The following MRC1 variants were observed in gnomAD, a reference collection of about 807,000 sequenced individuals.
MRC1 encodes the protein macrophage mannose receptor 1.
In MRC1, 62 loss-of-function variants were observed where a neutral mutation model predicts 102.9. The observed-to-expected ratio is 0.60, with a 90% CI of 0.49 to 0.74. MRC1 has a LOEUF of 0.74. Among genes scored for constraint, MRC1 ranks in the 30% least tolerant of loss-of-function variants. The pLI is 0.00. For missense variants in MRC1, 1,237 were observed against 862.8 expected (o/e 1.43, Z -5.43); for synonymous variants, 457 against 298.4 (o/e 1.53, Z -5.48).
chr10:17,858,779 C>A (rs1833136460), intron 9 of MRC1, among the ~76,000 whole-genome samples: 1 of 152,044 alleles, frequency 6.6e-6, no homozygotes, highest in South Asian at 2.1e-4. Flanking sequence ...AGCCATTGTG[C>A]CAGGCATGAG....
chr10:17,812,370 G>A (rs1404097386), intron 1 of MRC1, among the ~76,000 whole-genome samples: 11 of 152,174 alleles, frequency 7.2e-5, no homozygotes, highest in Admixed American at 7.2e-4. Context: ...GGAAATGGGA[G>A]GGTTTGGCTC....
At chr10:17,841,336 A>G (rs1838746049) in intron 5 of MRC1, among the ~76,000 whole-genome samples, 2 of 152,224 alleles carry the variant, frequency 1.3e-5, no homozygotes, top group South Asian at 4.1e-4. Context: ...CAGTGATTTT[A>G]ACATCTACAT....
chr10:17,859,720 T>A (rs992415706), intron 9 of MRC1, among the ~76,000 whole-genome samples: 1 of 152,164 alleles, frequency 6.6e-6, no homozygotes, highest in Non-Finnish European at 1.5e-5. Context: ...ATTTCTGATG[T>A]GTGGTTTTGC....
intron 5 of MRC1, among the ~76,000 whole-genome samples, chr10:17,843,719 G>A (rs895079604): frequency 6.6e-6 from 1 of 151,958 alleles, no homozygotes; most frequent in African/African-American, 2.4e-5. Context: ...TTTTCTTTGT[G>A]TGGTAGTTAA....
chr10:17,826,622 A>T (rs1227961530), intron 2 of MRC1, among the ~76,000 whole-genome samples: 2 of 152,222 alleles, frequency 1.3e-5, no homozygotes, highest in African/African-American at 2.4e-5. Context: ...ACAAAGATGG[A>T]GACTTTAAAC....
In MRC1 at chr10:17,866,615, G is replaced by A; in HGVS notation, c.1837G>A (p.Asp613Asn). The A allele has an allele frequency of 1.3e-6, 1 of 780,848 alleles. No homozygotes were observed. 48.4% of individuals were successfully genotyped at this position (780,848 alleles called of 1,614,324 possible). ...AACCGGGATTGCAGGGGGCTTATGG[G>A]ATGTTTTGAAATGTGATGAAAAGGC... ...MRTGIAGGLW[D>N]VLKCDEKAKF... The change falls in exon 12 of 30, where the codon GAT becomes AAT. Residue 613 changes from aspartate to asparagine, a missense_variant. By Grantham distance (23) the Asp-to-Asn change is conservative (BLOSUM62 1). Transcript: ENST00000569591.
chr10:17,842,630 G>T (rs1187476241), intron 5 of MRC1, among the ~76,000 whole-genome samples: 1 of 152,250 alleles, frequency 6.6e-6, no homozygotes, highest in African/African-American at 2.4e-5. Context: ...ATACTAGTTG[G>T]CCTCAATCAG....
intron 4 of MRC1, among the ~76,000 whole-genome samples, chr10:17,834,997 C>G (rs1838641609): frequency 6.6e-6 from 1 of 152,158 alleles, no homozygotes; most frequent in East Asian, 1.9e-4. Context: ...CATTTCCCAT[C>G]AAATAATTAA....
Position 17,856,316 on chromosome 10 carries a change from T to A in MRC1, c.1482T>A (p.Gly494=). 1 of 860,400 alleles carries A rather than the reference T, an allele frequency of 1.2e-6. No individual in the cohort carries two copies. Among genetic ancestry groups the A allele is most frequent in the Non-Finnish European group, 2.0e-6 (1 of 495,974 alleles). The allele number at this position is 860,400 out of a possible 1,614,324, so 53.3% of individuals were successfully genotyped here. ...YICKMKSRSQ[G]PEIVEVEKGC... ...GCAAGATGAAATCACGAAGCCAAGG[T>A]CCAGAAATAGTGGAAGTCGAAAAAG... is the stretch of plus-strand genomic sequence containing the variant. The change falls in exon 9 of 30, where the codon GGT becomes GGA. Residue 494 remains glycine (G), a synonymous_variant. Transcript: ENST00000569591.
chr10:17,827,794 G>C, intron 3 of MRC1, 79 bp downstream of exon 3: 1 of 768,364 alleles, frequency 1.3e-6, no homozygotes. Context: ...TTTATCTAGA[G>C]CATTTTTCCC....
chr10:17,822,246 CA>C (rs1838406913), intron 1 of MRC1, among the ~76,000 whole-genome samples: 1 of 152,180 alleles, frequency 6.6e-6, no homozygotes, highest in South Asian at 2.1e-4. Flanking sequence ...ATAAAACTTA[CA>C]TTGATTTTTC....
At chr10:17,870,206 A>G (rs1833335186) in intron 12 of MRC1, 40 bp from the exon 13 acceptor site, 1 of 764,690 alleles carries the variant, frequency 1.3e-6, no homozygotes, top group African/African-American at 1.7e-5. Context: ...TTGATAAACT[A>G]CAAAGCATAA....
chr10:17,842,703 T>G (rs1338625771), intron 5 of MRC1, among the ~76,000 whole-genome samples: 2 of 152,232 alleles, frequency 1.3e-5, no homozygotes, highest in African/African-American at 4.8e-5. Context: ...TGCTAAATTT[T>G]TATACATATT....
chr10:17,855,984 C>A (rs1193471901), intron 8 of MRC1, among the ~76,000 whole-genome samples: 1 of 151,994 alleles, frequency 6.6e-6, no homozygotes. Flanking sequence ...GCCTGGCCAA[C>A]ATGGTGAAAC....
At chr10:17,845,019 A>G (rs559605393) in intron 5 of MRC1, 5 of 695,390 alleles carry the variant, frequency 7.2e-6, no homozygotes, top group Non-Finnish European at 5.5e-6. Flanking sequence ...TAGCTTTATT[A>G]GCTGATAATG....
intron 22 of MRC1, among the ~76,000 whole-genome samples, chr10:17,890,760 A>T (rs1374515366): frequency 6.6e-6 from 1 of 152,214 alleles, no homozygotes; most frequent in East Asian, 1.9e-4. Flanking sequence ...ATTACAGTGC[A>T]GGGGTCTGCA....
Position 17,902,020 on chromosome 10 carries a change from T to G in MRC1, c.3697T>G (p.Ser1233Ala). 1.3e-6 allele frequency: 1 copy of G among 780,756 alleles called. No individual in the cohort carries two copies. The highest frequency in any genetic ancestry group is 2.4e-6 in the Non-Finnish European group (1 of 417,950). The allele number at this position is 780,756 out of a possible 1,614,324, so 48.4% of individuals were successfully genotyped here. The stretch of plus-strand genomic sequence containing the variant: ...ACAACTGCCTGGCAGATGCCCGGAG[T>G]CAGATCACACAGCATGGATTCCTTT... ...PPQLPGRCPE[S>A]DHTAWIPFHG... Residue 1233 changes from serine (S) to alanine (A), a missense_variant, in exon 26 of 30, where the codon TCA becomes GCA. Ser to Ala is a moderately conservative substitution (Grantham distance 99, BLOSUM62 1). Transcript: ENST00000569591.
intron 1 of MRC1, among the ~76,000 whole-genome samples, chr10:17,821,674 T>A (rs1554838289): frequency 6.6e-6 from 1 of 152,138 alleles, no homozygotes; most frequent in South Asian, 2.1e-4. Flanking sequence ...GGTCTAGAAC[T>A]GATCTCAGAG....
intron 21 of MRC1, among the ~76,000 whole-genome samples, chr10:17,883,972 A>G (rs1833554570): frequency 6.6e-6 from 1 of 152,104 alleles, no homozygotes; most frequent in Non-Finnish European, 1.5e-5. Flanking sequence ...TTTATTACTA[A>G]TTGATTTGTG....
Sources: allele counts gnomAD v4.1 joint callset (sites outside exome capture counted in the v4.1 genomes callset), GRCh38; gene constraint gnomAD v4.1.1; transcripts MANE v1.5; gene names NCBI Gene and HGNC (gene_info 2026-07-23, HGNC 2026-07-21).